The following MROH2B variants were observed in gnomAD, a reference collection of about 807,000 sequenced individuals.
The protein encoded by MROH2B is maestro heat like repeat family member 2B.
A neutral mutation model predicts 208.6 loss-of-function variants in MROH2B; 177 were observed. That is an observed-to-expected ratio of 0.85 (90% CI 0.75 to 0.96). The LOEUF (loss-of-function observed/expected upper bound fraction) is 0.96, where lower values mean the gene tolerates loss of function less well. Ranked by LOEUF, MROH2B falls within the 40% of genes least tolerant of loss-of-function variation. The probability of loss-of-function intolerance (pLI) is 0.00; values close to 1 mark genes in which losing one functional copy is unlikely to be tolerated. For synonymous variants in MROH2B, 728 were observed against 659.0 expected, an observed-to-expected ratio of 1.10 and a Z score of -1.60; for missense variants, 2,002 against 1,878.7, an observed-to-expected ratio of 1.07 and a Z score of -1.21.
At chr5:40,998,771 T>A in intron 40 of MROH2B, 94 bp from the exon 41 acceptor site, 1 of 1,015,086 alleles carries the variant, frequency 9.9e-7, no homozygotes, top group Non-Finnish European at 1.5e-6. Flanking sequence ...GGTGAGAAGG[T>A]AAATGGTAGG....
chr5:41,032,886 C>T (rs1375364579), intron 23 of MROH2B, 65 bp from the exon 24 acceptor site: 4 of 1,561,334 alleles, frequency 2.6e-6, no homozygotes, highest in South Asian at 2.3e-5. Flanking sequence ...GATGCAGCTG[C>T]AACCTCATCA....
chr5:41,063,182 T>C (rs1272281915), intron 5 of MROH2B, among the ~76,000 whole-genome samples: 1 of 152,220 alleles, frequency 6.6e-6, no homozygotes, highest in Non-Finnish European at 1.5e-5. Context: ...ACATTCTTGG[T>C]TGTTAATATT....
chr5:41,049,390 G>T lies in MROH2B; in HGVS notation c.1391C>A (p.Thr464Lys). ...ILTFVVPAEY[T>K]EALEPLFSII... is the part of the protein sequence containing the mutation. Reference sequence around the variant, plus strand: ...ACTAAACAGGGGCTCCAGAGCTTCTGTGTATTCTGCAGGTACCACAAAAGT... The same window carrying T: ...ACTAAACAGGGGCTCCAGAGCTTCTTTGTATTCTGCAGGTACCACAAAAGT... Residue 464 changes from threonine (T) to lysine (K), a missense_variant, in exon 14 of 42, where the codon ACA (threonine) becomes AAA (lysine). Coordinates refer to ENST00000399564, the MANE Select transcript of MROH2B (RefSeq NM_173489.5). The T allele has an allele frequency of 6.2e-7, 1 of 1,613,776 alleles. No individual in the cohort carries two copies.
At chr5:41,023,936 C>G in intron 24 of MROH2B, among the ~76,000 whole-genome samples, 1 of 152,130 alleles carries the variant, frequency 6.6e-6, no homozygotes, top group East Asian at 1.9e-4. Context: ...CCAAACTAAG[C>G]TTCATAAATA....
chr5:40,999,961 G>T, intron 39 of MROH2B, 182 bp from the exon 40 acceptor site: 1 of 683,056 alleles, frequency 1.5e-6, no homozygotes, highest in Non-Finnish European at 2.5e-6. Flanking sequence ...AGCCATCAGA[G>T]TTTAAGGGAT....
chr5:41,015,448 C>T lies in MROH2B; in HGVS notation c.2915G>A (p.Gly972Asp), dbSNP rs777046282. The T allele has an allele frequency of 6.8e-6, 11 of 1,613,426 alleles. No homozygotes were observed. The East Asian group carries it at 1.6e-4, about 23-fold the overall frequency. ...ATCACTTTCCAGCCCTTCCTGCAAA[C>T]CCTGCAGTCTTTCCACTTCCAAGTG... ...GIHLEVERLQ[G>D]LQEGLESDDV... The change falls in exon 29 of 42, where the codon GGT becomes GAT. Residue 972 changes from glycine (G) to aspartate (D), a missense_variant. Coordinates refer to ENST00000399564, the MANE Select transcript of MROH2B (RefSeq NM_173489.5).
At position 41,071,248 on chromosome 5, in the gene MROH2B, G is replaced by A. The variant is rs1743983139; in HGVS notation, c.-396C>T. 3 of 212,998 alleles carry A rather than the reference G, an allele frequency of 1.4e-5. No homozygotes were observed. The highest frequency in any genetic ancestry group is 9.6e-5 in the South Asian group (1 of 10,452). 13.2% of individuals were successfully genotyped at this position (212,998 alleles called of 1,614,324 possible). A position where few individuals can be genotyped will look rare whatever the true frequency, so the allele number is the denominator to read the frequency against. On this transcript the variant is annotated 5_prime_UTR_variant, in exon 1 of 42. Transcript: ENST00000399564. ...GTCCATTGATCACAAATTCAGGAAT[G>A]GTTTTCAGTAGTTGCTTTACTGTCC...
chr5:41,012,907 C>G (rs905417360), intron 29 of MROH2B, among the ~76,000 whole-genome samples, 172 bp from the exon 30 acceptor site: 1 of 152,192 alleles, frequency 6.6e-6, no homozygotes, highest in South Asian at 2.1e-4. Flanking sequence ...ATAGACATGA[C>G]CTTTTATTAC....
chr5:41,019,148 T>A, intron 24 of MROH2B, 130 bp from the exon 25 acceptor site: 1 of 1,170,920 alleles, frequency 8.5e-7, no homozygotes, highest in Non-Finnish European at 1.2e-6. Flanking sequence ...CACGTTGGGA[T>A]GTTGAGAAAG....
chr5:41,039,338 A>G (rs10076164), intron 20 of MROH2B, 110 bp downstream of exon 20: 20,379 of 653,810 alleles, frequency 0.031, 376 homozygotes, highest in East Asian at 0.045. Context: ...GACCTGGAAT[A>G]AGAACCTGGG....
chr5:41,006,085 C>A (rs1741580928), intron 34 of MROH2B, among the ~76,000 whole-genome samples: 1 of 151,186 alleles, frequency 6.6e-6, no homozygotes, highest in Non-Finnish European at 1.5e-5. Context: ...TTGATGAAAG[C>A]CCACCAAGGC....
chr5:41,062,739 G>C (rs1743680610), intron 5 of MROH2B, among the ~76,000 whole-genome samples: 1 of 152,076 alleles, frequency 6.6e-6, no homozygotes, highest in Admixed American at 6.6e-5. Context: ...TGTAGAGCCG[G>C]CCATTTATTG....
intron 24 of MROH2B, among the ~76,000 whole-genome samples, chr5:41,029,686 A>C (rs1742499463): frequency 6.6e-6 from 1 of 152,192 alleles, no homozygotes; most frequent in Admixed American, 6.6e-5. Flanking sequence ...AAGAAAATAC[A>C]GGGAAAAGCT....
intron 24 of MROH2B, among the ~76,000 whole-genome samples, chr5:41,030,965 G>A (rs1265391719): frequency 6.6e-6 from 1 of 152,074 alleles, no homozygotes; most frequent in East Asian, 1.9e-4. Context: ...TGAAGAATTG[G>A]TGATAATGTG....
At chr5:41,001,070 G>C (rs536895440) in intron 37 of MROH2B, among the ~76,000 whole-genome samples, 11 of 152,294 alleles carry the variant, frequency 7.2e-5, no homozygotes, top group African/African-American at 2.4e-4. Flanking sequence ...TGTGATGCCA[G>C]AGAATTGATT....
chr5:41,016,641 G>T (rs1470543448), intron 28 of MROH2B, among the ~76,000 whole-genome samples: 1 of 150,476 alleles, frequency 6.6e-6, no homozygotes, highest in African/African-American at 2.4e-5. Context: ...ACCACTCCTG[G>T]CTAATTTTTT....
chr5:41,045,603 C>T, intron 18 of MROH2B, 143 bp downstream of exon 18: 1 of 624,506 alleles, frequency 1.6e-6, no homozygotes, highest in Non-Finnish European at 2.8e-6. Flanking sequence ...CAACTTTCAG[C>T]TAGTGGCCTT....
At chr5:41,051,890 A>G (rs1743296053) in intron 12 of MROH2B, among the ~76,000 whole-genome samples, 1 of 152,182 alleles carries the variant, frequency 6.6e-6, no homozygotes, top group Middle Eastern at 3.2e-3. Context: ...TTTCTCATTC[A>G]TATAACAGAT....
chr5:41,018,978 T>C lies in MROH2B; in HGVS notation c.2482A>G (p.Ile828Val). 1 of 1,613,888 alleles carries C rather than the reference T, an allele frequency of 6.2e-7. No homozygotes were observed. The highest frequency in any genetic ancestry group is 8.5e-7 in the Non-Finnish European group (1 of 1,179,862). The change falls in exon 25 of 42, where the codon ATT (isoleucine) becomes GTT (valine). Residue 828 changes from isoleucine (I) to valine (V), a missense_variant. Ile to Val is a conservative substitution (Grantham distance 29). Transcript: ENST00000399564. ...PQLSLQDHLN[I>V]LEENIRRLLP... ...AGCCTCCGAATATTCTCCTCAAGAA[T>C]GTTAAGGTGGTCTTGTAGTGAGAGC...
Sources: allele counts gnomAD v4.1 joint callset (sites outside exome capture counted in the v4.1 genomes callset), GRCh38; gene constraint gnomAD v4.1.1; transcripts MANE v1.5; gene names NCBI Gene and HGNC (gene_info 2026-07-23, HGNC 2026-07-21).